ZFAND4: variants seen among roughly 807,000 people sequenced by gnomAD.
ZFAND4 encodes the protein AN1-type zinc finger protein 4.
In ZFAND4, 43 loss-of-function variants were observed where a neutral mutation model predicts 64.4. The ratio of observed to expected loss-of-function variants is 0.67; its 90% CI spans 0.52 to 0.86. ZFAND4 has a LOEUF of 0.86. Among genes scored for constraint, ZFAND4 ranks in the 40% least tolerant of loss-of-function variants. ZFAND4 has a pLI of 0.00. For missense variants in ZFAND4, 929 were observed against 859.8 expected, an observed-to-expected ratio of 1.08 and a Z score of -1.01; for synonymous variants, 296 against 305.7, an observed-to-expected ratio of 0.97 and a Z score of 0.33.
At chr10:45,644,234 T>C (rs565649953) in intron 5 of ZFAND4, among the ~76,000 whole-genome samples, 8 of 152,206 alleles carry the variant, frequency 5.3e-5, no homozygotes, top group Admixed American at 5.2e-4. Flanking sequence ...ACAAGAAAAG[T>C]AGACTTCAAA....
intron 1 of ZFAND4, among the ~76,000 whole-genome samples, chr10:45,664,797 G>A (rs117492112): frequency 0.02 from 2,975 of 152,040 alleles, 69 homozygotes; most frequent in Admixed American, 0.059. Flanking sequence ...TGGGCGTGGC[G>A]GTGTCTGCCT....
chr10:45,664,713 G>A (rs1009653268), intron 1 of ZFAND4, among the ~76,000 whole-genome samples: 2 of 151,908 alleles, frequency 1.3e-5, no homozygotes, highest in African/African-American at 4.8e-5. Context: ...TCATGATGAG[G>A]TCAGGAGATC....
At chr10:45,642,545 T>G (rs1266097374) in intron 5 of ZFAND4, among the ~76,000 whole-genome samples, 1 of 145,458 alleles carries the variant, frequency 6.9e-6, no homozygotes, top group Non-Finnish European at 1.5e-5. Context: ...AGGCAGAGCT[T>G]GCAAGTGAGC....
intron 6 of ZFAND4, among the ~76,000 whole-genome samples, chr10:45,631,956 A>G (rs1284256564): frequency 6.6e-6 from 1 of 152,244 alleles, no homozygotes; most frequent in Non-Finnish European, 1.5e-5. Context: ...ACATCGAAAA[A>G]TTCAAGAATT....
At position 45,639,809 on chromosome 10, in the gene ZFAND4, G is replaced by C; in HGVS notation, c.717+7C>G. 6.2e-7 allele frequency: 1 copy of C among 1,606,892 alleles called. No individual in the cohort carries two copies. Among genetic ancestry groups the C allele is most frequent in the Non-Finnish European group, 8.5e-7 (1 of 1,177,368 alleles). On this transcript the variant is annotated splice_region_variant and intron_variant, in intron 6 of 9. Coordinates refer to ENST00000344646, the MANE Select transcript of ZFAND4 (RefSeq NM_174890.4). ...AGATAAGCCTGGTCAAATGCCAACA[G>C]CTTCACCTTTTTGCTGAGATTCATG...
chr10:45,627,071 G>C lies in ZFAND4; in HGVS notation c.752C>G (p.Pro251Arg). The change falls in exon 7 of 10, where the codon CCT becomes CGT. Residue 251 changes from proline (P) to arginine (R), a missense_variant. Transcript: ENST00000344646. ...ACCACTAGAAGGTCGAGGAGCTACA[G>C]GTGGGTGAGGTTTTATCTTGACAGC... ...KKAVKIKPHP[P>R]VAPRPSSGST... The C allele has an allele frequency of 1.3e-6, 2 of 1,561,630 alleles. No individual in the cohort carries two copies. The highest frequency in any genetic ancestry group is 1.7e-6 in the Non-Finnish European group (2 of 1,154,428).
rs1196262319 is a variant in ZFAND4, at chr10:45,626,800, T to C, written c.1023A>G (p.Ile341Met). Residue 341 changes from isoleucine to methionine, a missense_variant, in exon 7 of 10, where the codon ATA (isoleucine) becomes ATG (methionine). Transcript: ENST00000344646. ...FSSNVKLPPQ[I>M]PHLELGNDQE... ...GGTCATTTCCCAACTCCAAATGGGG[T>C]ATCTGAGGAGGTAGTTTGACGTTGC... 1.2e-6 allele frequency: 2 copies of C among 1,614,010 alleles called. No individual in the cohort carries two copies. The highest frequency in any genetic ancestry group is 2.2e-5 in the East Asian group (1 of 44,896).
chr10:45,635,205 A>AC (rs1375228486), intron 6 of ZFAND4, among the ~76,000 whole-genome samples: 6 of 144,264 alleles, frequency 4.2e-5, no homozygotes, highest in East Asian at 2.0e-4. Flanking sequence ...CAAAAAAAAA[A>AC]AAAAAAAACA....
intron 2 of ZFAND4, among the ~76,000 whole-genome samples, chr10:45,656,950 G>C (rs989208884): frequency 6.6e-6 from 1 of 151,932 alleles, no homozygotes; most frequent in African/African-American, 2.4e-5. Context: ...CTCCAGAACC[G>C]TGAGAAATAA....
At chr10:45,638,565 G>A (rs10751386) in intron 6 of ZFAND4, among the ~76,000 whole-genome samples, 75,420 of 143,154 alleles carry the variant, frequency 0.53, 19,019 homozygotes, top group South Asian at 0.65. Context: ...AAAGTTAAAC[G>A]TGCATCTTCC....
intron 2 of ZFAND4, among the ~76,000 whole-genome samples, chr10:45,654,377 T>C (rs2047962580): frequency 6.6e-6 from 1 of 152,176 alleles, no homozygotes; most frequent in Non-Finnish European, 1.5e-5. Flanking sequence ...TTCCAGCACT[T>C]TAGGAGGCCG....
intron 2 of ZFAND4, among the ~76,000 whole-genome samples, chr10:45,654,447 C>T (rs1237000985): frequency 6.6e-6 from 1 of 151,958 alleles, no homozygotes; most frequent in East Asian, 1.9e-4. Context: ...GGTGAAACCC[C>T]GTCTCTACTA....
At chr10:45,625,802 T>C in intron 7 of ZFAND4, 149 bp downstream of exon 7, 2 of 850,054 alleles carry the variant, frequency 2.4e-6, no homozygotes, top group Non-Finnish European at 3.5e-6. Context: ...TATCAAGATT[T>C]TATACAAACT....
intron 6 of ZFAND4, among the ~76,000 whole-genome samples, chr10:45,629,492 G>A (rs932194546): frequency 6.6e-6 from 1 of 152,126 alleles, no homozygotes; most frequent in Admixed American, 6.5e-5. Flanking sequence ...GCAGGAAAGG[G>A]AAAATAAGGA....
chr10:45,649,276 G>A (rs982623763), intron 4 of ZFAND4, among the ~76,000 whole-genome samples: 2 of 151,990 alleles, frequency 1.3e-5, no homozygotes, highest in African/African-American at 2.4e-5. Context: ...CTTAAGAGCT[G>A]TTCCTTGACA....
intron 2 of ZFAND4, among the ~76,000 whole-genome samples, chr10:45,655,755 A>C (rs1220928583): frequency 6.6e-6 from 1 of 152,234 alleles, no homozygotes; most frequent in Non-Finnish European, 1.5e-5. Flanking sequence ...AAACTAGAAA[A>C]TCTAGATGAA....
At chr10:45,644,869 C>T (rs2047264970) in intron 5 of ZFAND4, among the ~76,000 whole-genome samples, 3 of 151,760 alleles carry the variant, frequency 2.0e-5, no homozygotes, top group South Asian at 2.1e-4. Context: ...TTGCTAAATA[C>T]TAATTTAGTA....
chr10:45,652,398 A>G (rs996662508), intron 3 of ZFAND4, among the ~76,000 whole-genome samples: 1 of 152,246 alleles, frequency 6.6e-6, no homozygotes, highest in African/African-American at 2.4e-5. Flanking sequence ...GAAAATAGAA[A>G]AATAACAAGG....
intron 2 of ZFAND4, chr10:45,662,814 A>G (rs1003099087): frequency 6.1e-5 from 12 of 197,606 alleles, no homozygotes; most frequent in Non-Finnish European, 1.1e-4. Flanking sequence ...CACTACCTTT[A>G]TATTACAAGC....
Sources: allele counts gnomAD v4.1 joint callset (sites outside exome capture counted in the v4.1 genomes callset), GRCh38; gene constraint gnomAD v4.1.1; transcripts MANE v1.5; gene names NCBI Gene and HGNC (gene_info 2026-07-23, HGNC 2026-07-21).